Variants in GPR39 observed in about 807,000 individuals in gnomAD.
GPR39 encodes zinc sensing receptor.
Under a neutral mutation model 18.4 loss-of-function variants are expected in GPR39, and 23 were observed. The ratio of observed to expected loss-of-function variants is 1.25; its 90% CI spans 0.90 to 1.77. GPR39 has a LOEUF of 1.77. Ranked by LOEUF, GPR39 falls within the 40% of genes most tolerant of loss-of-function variation. The pLI is 0.00. For synonymous variants in GPR39, 280 were observed against 257.9 expected, an observed-to-expected ratio of 1.09 and a Z score of -0.82; for missense variants, 647 against 602.4, an observed-to-expected ratio of 1.07 and a Z score of -0.78.
rs763077077 is a variant in GPR39, at chr2:132,646,033, T to C, written c.*427T>C. Reference sequence around the variant, plus strand: ...AAGAACAATGCAGGAGGGGGTGGCATCTCCTTCAGCTTCAGCAGTGTGCCG... The same window carrying C: ...AAGAACAATGCAGGAGGGGGTGGCACCTCCTTCAGCTTCAGCAGTGTGCCG... On this transcript the variant is annotated 3_prime_UTR_variant, in exon 2 of 2. Transcript: ENST00000329321. The C allele has an allele frequency of 1.3e-6, 2 of 1,520,036 alleles. No individual in the cohort carries two copies. Among genetic ancestry groups the C allele is most frequent in the South Asian group, 1.3e-5 (1 of 77,162 alleles). 94.2% of individuals were successfully genotyped at this position (1,520,036 alleles called of 1,614,324 possible).
chr2:132,492,900 TA>T (rs1442924860), intron 1 of GPR39, among the ~76,000 whole-genome samples: 1 of 140,654 alleles, frequency 7.1e-6, no homozygotes, highest in Non-Finnish European at 1.5e-5. Context: ...ATATATACCA[TA>T]TATATACACC....
intron 1 of GPR39, among the ~76,000 whole-genome samples, chr2:132,484,380 G>C (rs189886830): frequency 6.6e-6 from 1 of 152,258 alleles, no homozygotes; most frequent in East Asian, 1.9e-4. Flanking sequence ...TGTTTTCAAA[G>C]GCATTAATGG....
At position 132,467,551 on chromosome 2, in the gene GPR39, T is replaced by C. The variant is rs1215822227; in HGVS notation, c.856+49653T>C. Reference sequence around the variant, plus strand: ...GAAACAAACTTGTGCATGTACCCTCTGAATCTAAAATAAAAGTTGAAAAAA... The same window carrying C: ...GAAACAAACTTGTGCATGTACCCTCCGAATCTAAAATAAAAGTTGAAAAAA... On this transcript the variant is annotated intron_variant, in intron 1 of 1. Coordinates refer to ENST00000329321, the MANE Select transcript of GPR39 (RefSeq NM_001508.3). 1.3e-5 allele frequency among the ~76,000 whole-genome samples: 2 copies of C among 152,218 alleles called. 1 individual carries two copies. The highest frequency in any genetic ancestry group is 6.3e-3 in the Middle Eastern group (2 of 316).
intron 1 of GPR39, among the ~76,000 whole-genome samples, chr2:132,447,329 A>G (rs1416382941): frequency 3.9e-5 from 6 of 152,260 alleles, no homozygotes; most frequent in Admixed American, 3.9e-4. Context: ...TCTCAGGAAT[A>G]GAAACCAAAT....
At chr2:132,595,006 T>G (rs1030741791) in intron 1 of GPR39, among the ~76,000 whole-genome samples, 4 of 152,162 alleles carry the variant, frequency 2.6e-5, no homozygotes, top group Non-Finnish European at 5.9e-5. Flanking sequence ...TGTTGTTGTT[T>G]CCTTTTTTTG....
intron 1 of GPR39, among the ~76,000 whole-genome samples, chr2:132,584,131 G>T (rs1680679146): frequency 6.6e-6 from 1 of 152,092 alleles, no homozygotes; most frequent in Non-Finnish European, 1.5e-5. Context: ...AGTTGAACGT[G>T]GTGGGACAGT....
intron 1 of GPR39, 61 bp from the exon 2 acceptor site, chr2:132,645,040 C>T: frequency 6.5e-7 from 1 of 1,532,198 alleles, no homozygotes; most frequent in Non-Finnish European, 8.8e-7. Context: ...TATTCATTTA[C>T]TGTGTTCTCA....
intron 1 of GPR39, among the ~76,000 whole-genome samples, chr2:132,627,011 A>G (rs535176088): frequency 5.3e-5 from 8 of 152,296 alleles, no homozygotes; most frequent in African/African-American, 1.9e-4. Flanking sequence ...TTTTCAGGGA[A>G]GCCGCCCCAG....
At chr2:132,448,877 G>A (rs1409363626) in intron 1 of GPR39, among the ~76,000 whole-genome samples, 1 of 152,142 alleles carries the variant, frequency 6.6e-6, no homozygotes. Flanking sequence ...CTTCTGTCCA[G>A]ACACTGCAGC....
chr2:132,496,079 G>A (rs1383538095), intron 1 of GPR39, among the ~76,000 whole-genome samples: 1 of 152,132 alleles, frequency 6.6e-6, no homozygotes, highest in Non-Finnish European at 1.5e-5. Context: ...CGCTGGGAAG[G>A]TTTGGGAAAC....
At chr2:132,631,395 G>A (rs1681647749) in intron 1 of GPR39, among the ~76,000 whole-genome samples, 1 of 152,154 alleles carries the variant, frequency 6.6e-6, no homozygotes, top group South Asian at 2.1e-4. Context: ...ATCATGTTGT[G>A]CAACAGCAAT....
At chr2:132,537,423 C>G (rs189060939) in intron 1 of GPR39, among the ~76,000 whole-genome samples, 5 of 151,948 alleles carry the variant, frequency 3.3e-5, no homozygotes, top group African/African-American at 1.2e-4. Flanking sequence ...TGTAGGATTT[C>G]TGCTGAGAAA....
At chr2:132,494,473 A>G (rs1276834936) in intron 1 of GPR39, among the ~76,000 whole-genome samples, 1 of 152,072 alleles carries the variant, frequency 6.6e-6, no homozygotes, top group Non-Finnish European at 1.5e-5. Flanking sequence ...TCGCTGTGTC[A>G]CTTTATCACA....
intron 1 of GPR39, among the ~76,000 whole-genome samples, chr2:132,510,041 C>CT (rs1321604439): frequency 6.6e-6 from 1 of 152,218 alleles, no homozygotes. Flanking sequence ...CCATATATCT[C>CT]TAACTATGAC....
chr2:132,490,407 G>A (rs1356925818), intron 1 of GPR39, among the ~76,000 whole-genome samples: 1 of 151,858 alleles, frequency 6.6e-6, no homozygotes. Context: ...ACCATCAGCT[G>A]TAGATTTAGA....
intron 1 of GPR39, among the ~76,000 whole-genome samples, chr2:132,528,641 G>T (rs907263052): frequency 6.6e-6 from 1 of 152,170 alleles, no homozygotes; most frequent in South Asian, 2.1e-4. Context: ...CCTTGAAGAG[G>T]TCCTTCATAT....
chr2:132,619,830 GACACACACACACACAC>G (rs59907073), intron 1 of GPR39, among the ~76,000 whole-genome samples: 1 of 138,474 alleles, frequency 7.2e-6, no homozygotes, highest in African/African-American at 2.9e-5. Context: ...CACAGACACA[GACACACACACACACAC>G]ACACACACAC....
intron 1 of GPR39, among the ~76,000 whole-genome samples, chr2:132,540,105 C>T (rs1019400121): frequency 6.6e-6 from 1 of 152,176 alleles, no homozygotes; most frequent in African/African-American, 2.4e-5. Flanking sequence ...TTCTTGTACC[C>T]CATTCCCCAA....
chr2:132,478,005 T>C (rs1681160485), intron 1 of GPR39, among the ~76,000 whole-genome samples: 1 of 152,226 alleles, frequency 6.6e-6, no homozygotes, highest in South Asian at 2.1e-4. Flanking sequence ...TTTGAGGCAT[T>C]TTATTCTATC....
Sources: gnomAD v4.1 joint callset for allele counts (sites outside exome capture counted in the v4.1 genomes callset) on GRCh38, gnomAD v4.1.1 for gene constraint, MANE v1.5 for transcripts, NCBI Gene and HGNC (gene_info 2026-07-23, HGNC 2026-07-21) for gene names.